The following PARD3B variants were observed in gnomAD, a reference collection of about 807,000 sequenced individuals.
The protein encoded by PARD3B is partitioning defective 3 homolog B.
In PARD3B, 103 loss-of-function variants were observed where a neutral mutation model predicts 130.2. The observed-to-expected ratio is 0.79, with a 90% confidence interval of 0.67 to 0.93. PARD3B has a LOEUF of 0.93. Ranked by LOEUF, PARD3B falls within the 40% of genes least tolerant of loss-of-function variation. The pLI is 0.00. For missense variants in PARD3B, 1,609 were observed against 1,499.2 expected, an observed-to-expected ratio of 1.07 and a Z score of -1.21; for synonymous variants, 583 against 553.2, an observed-to-expected ratio of 1.05 and a Z score of -0.76.
intron 2 of PARD3B, among the ~76,000 whole-genome samples, chr2:204,735,416 A>G (rs1282680353): frequency 6.6e-6 from 1 of 152,178 alleles, no homozygotes; most frequent in Admixed American, 6.5e-5. Flanking sequence ...AATGTACAGG[A>G]AATACAAGGG....
intron 21 of PARD3B, among the ~76,000 whole-genome samples, chr2:205,523,618 A>T (rs2051192729): frequency 6.6e-6 from 1 of 152,054 alleles, no homozygotes; most frequent in Non-Finnish European, 1.5e-5. Context: ...GTGTTATCAA[A>T]ACTTTCCTTT....
intron 5 of PARD3B, among the ~76,000 whole-genome samples, chr2:205,111,348 A>G: frequency 6.6e-6 from 1 of 152,170 alleles, no homozygotes; most frequent in East Asian, 1.9e-4. Context: ...TTATTCTGAG[A>G]TACTGAAAGG....
intron 22 of PARD3B, among the ~76,000 whole-genome samples, chr2:205,573,833 T>C (rs2053646095): frequency 6.6e-6 from 1 of 152,238 alleles, no homozygotes; most frequent in Admixed American, 6.5e-5. Context: ...AGTAGAAAAC[T>C]GCACAGGTTG....
chr2:205,288,010 C>T lies in PARD3B; in HGVS notation c.2186-12520C>T, dbSNP rs981933938. Reference sequence around the variant, plus strand: ...TCACAACAACATTAAGTGGTACTTCCTTTCCATATTTGCCACCTCATTTAT... The same window carrying T: ...TCACAACAACATTAAGTGGTACTTCTTTTCCATATTTGCCACCTCATTTAT... On this transcript the variant is annotated intron_variant, in intron 16 of 22. Transcript: ENST00000406610. This position sits in a 1 kb window ranked among gnomAD's most constrained non-coding sequence, Gnocchi z 4.0. Among the ~76,000 whole-genome samples, 1 of 152,176 alleles carries T rather than the reference C, an allele frequency of 6.6e-6. No individual in the cohort carries two copies. Among genetic ancestry groups the T allele is most frequent in the African/African-American group, 2.4e-5 (1 of 41,436 alleles).
rs2048700238 is a variant in PARD3B at position 205,468,222 on chromosome 2, T to TGTG, written c.3044+27550_3044+27551insGTG. Reference sequence around the variant, plus strand: ...CTCCACAGAAGGCTTCGACAACAACTAACTCAGGCACATGTGAGACCAAAC... The same window carrying TGTG: ...CTCCACAGAAGGCTTCGACAACAACTGTGAACTCAGGCACATGTGAGACCAAAC... On this transcript the variant is annotated intron_variant, in intron 20 of 22. Transcript: ENST00000406610. Among the ~76,000 whole-genome samples the TGTG allele has an allele frequency of 2.6e-5, 4 of 152,346 alleles. No homozygotes were observed. In the East Asian group the frequency reaches 7.7e-4, roughly 29 times the overall value.
At chr2:205,365,336 G>A (rs1021306985) in intron 18 of PARD3B, among the ~76,000 whole-genome samples, 6 of 150,748 alleles carry the variant, frequency 4.0e-5, no homozygotes, top group Non-Finnish European at 8.8e-5. Context: ...GCCCAAGATC[G>A]CACCACTGCC....
intron 2 of PARD3B, among the ~76,000 whole-genome samples, chr2:204,888,714 G>C (rs1478561347): frequency 8.1e-6 from 1 of 123,094 alleles, no homozygotes; most frequent in African/African-American, 3.4e-5. Context: ...CTGGGCAACA[G>C]AATGAGACCC....
rs1355772500 is a variant in PARD3B at position 205,589,386 on chromosome 2, A to C, written c.3261-26070A>C. 6.6e-6 allele frequency among the ~76,000 whole-genome samples: 1 copy of C among 152,154 alleles called. No homozygotes were observed. Among genetic ancestry groups the C allele is most frequent in the Admixed American group, 6.5e-5 (1 of 15,274 alleles). ...AGATTAAATCTCACCACAGGATCTC[A>C]CCAAAATCAGGCTCTCCAAACCTCT... is the stretch of plus-strand genomic sequence containing the variant. On this transcript the variant is annotated intron_variant, in intron 22 of 22. Transcript: ENST00000406610. The surrounding 1 kb of genome is among the most constrained non-coding windows in gnomAD (Gnocchi z 4.1).
chr2:205,273,663 A>T (rs1447151271), intron 16 of PARD3B, among the ~76,000 whole-genome samples: 2 of 152,296 alleles, frequency 1.3e-5, no homozygotes, highest in East Asian at 3.9e-4. Flanking sequence ...CTTCTTTGAG[A>T]TGTCATGAGT....
chr2:205,268,579 C>T lies in PARD3B; in HGVS notation c.2185+22757C>T, dbSNP rs1203323703. On this transcript the variant is annotated intron_variant, in intron 16 of 22. Transcript: ENST00000406610. This position sits in a 1 kb window ranked among gnomAD's most constrained non-coding sequence, Gnocchi z 4.1. The stretch of plus-strand genomic sequence containing the variant: ...CTGATTTGAAATCAGGTGGAAAGTG[C>T]TCTAATGCCACTAGTATTAGGAGGC... 6.6e-6 allele frequency among the ~76,000 whole-genome samples: 1 copy of T among 152,054 alleles called. No homozygotes were observed. Among genetic ancestry groups the T allele is most frequent in the Admixed American group, 6.6e-5 (1 of 15,260 alleles).
chr2:204,659,417 C>T (rs1050491449), intron 1 of PARD3B, among the ~76,000 whole-genome samples: 5 of 152,090 alleles, frequency 3.3e-5, no homozygotes, highest in Non-Finnish European at 7.4e-5. Context: ...ATCAATGGAG[C>T]TGGACAGGGA....
At chr2:204,879,688 C>A (rs1328468747) in intron 2 of PARD3B, among the ~76,000 whole-genome samples, 1 of 152,130 alleles carries the variant, frequency 6.6e-6, no homozygotes, top group African/African-American at 2.4e-5. Context: ...TAGGTATATG[C>A]CCTTTGTAAA....
At chr2:205,034,656 A>G (rs1264606908) in intron 3 of PARD3B, among the ~76,000 whole-genome samples, 2 of 152,176 alleles carry the variant, frequency 1.3e-5, no homozygotes, top group Non-Finnish European at 2.9e-5. Flanking sequence ...GGGGATTGCT[A>G]TTTAAGAAAA....
intron 1 of PARD3B, among the ~76,000 whole-genome samples, chr2:204,585,915 A>G (rs940686095): frequency 6.6e-6 from 1 of 152,212 alleles, no homozygotes; most frequent in East Asian, 1.9e-4. Flanking sequence ...CTAAAGCCAG[A>G]TGATCCTATG....
At chr2:204,948,667 A>T (rs890225030) in intron 2 of PARD3B, among the ~76,000 whole-genome samples, 1 of 152,180 alleles carries the variant, frequency 6.6e-6, no homozygotes, top group Non-Finnish European at 1.5e-5. Flanking sequence ...GGGTTTTCTA[A>T]GTGCAATATC....
At position 205,558,035 on chromosome 2, in the gene PARD3B, A is replaced by G. The variant is rs2052970815; in HGVS notation, c.3260+4632A>G. On this transcript the variant is annotated intron_variant, in intron 22 of 22. Coordinates refer to ENST00000406610, the MANE Select transcript of PARD3B (RefSeq NM_001302769.2). The surrounding 1 kb of genome is among the most constrained non-coding windows in gnomAD (Gnocchi z 4.8). ...CTGAAGCTGAAGGATTCGCCGACTC[A>G]GGAAAGACCAGTGGTCTGGATGGTC... Among the ~76,000 whole-genome samples, 1 of 152,212 alleles carries G rather than the reference A, an allele frequency of 6.6e-6. No individual in the cohort carries two copies. Among genetic ancestry groups the G allele is most frequent in the East Asian group, 1.9e-4 (1 of 5,192 alleles).
chr2:205,595,281 G>A (rs563988949), intron 22 of PARD3B, among the ~76,000 whole-genome samples: 2 of 152,282 alleles, frequency 1.3e-5, no homozygotes, highest in South Asian at 4.1e-4. Flanking sequence ...CAGAACAGGT[G>A]GGCAGGTTTT....
At chr2:204,932,593 A>C (rs1282765361) in intron 2 of PARD3B, among the ~76,000 whole-genome samples, 2 of 152,176 alleles carry the variant, frequency 1.3e-5, no homozygotes, top group South Asian at 2.1e-4. Flanking sequence ...TTTTAAAGGC[A>C]GAGAAGAATA....
Position 204,890,950 on chromosome 2 carries a change from A to G in PARD3B, c.223-74202A>G, listed in dbSNP as rs1291554613. ...TCTCTTGCCATCATCCACTGCCTCCATGAGGATATTCTAGGAATCTGTATC... is the reference window on the plus strand; with the variant it reads ...TCTCTTGCCATCATCCACTGCCTCCGTGAGGATATTCTAGGAATCTGTATC... On this transcript the variant is annotated intron_variant, in intron 2 of 22. Transcript: ENST00000406610. This position sits in a 1 kb window ranked among gnomAD's most constrained non-coding sequence, Gnocchi z 4.9. Among the ~76,000 whole-genome samples the G allele has an allele frequency of 6.6e-6, 1 of 152,184 alleles. No individual in the cohort carries two copies. Among genetic ancestry groups the G allele is most frequent in the Non-Finnish European group, 1.5e-5 (1 of 68,024 alleles).
Sources: allele counts gnomAD v4.1 joint callset (sites outside exome capture counted in the v4.1 genomes callset), GRCh38; gene constraint gnomAD v4.1.1; non-coding constraint Gnocchi (gnomAD v3.1); transcripts MANE v1.5; gene names NCBI Gene and HGNC (gene_info 2026-07-23, HGNC 2026-07-21).